Variants in CSMD2 observed in about 807,000 individuals in gnomAD.
The protein encoded by CSMD2 is CUB and sushi domain-containing protein 2.
A neutral mutation model predicts 398.5 loss-of-function variants in CSMD2; 130 were observed. The observed-to-expected ratio is 0.33, with a 90% confidence interval of 0.28 to 0.38. CSMD2 has a LOEUF of 0.38. Ranked by LOEUF, CSMD2 falls within the 10% of genes least tolerant of loss-of-function variation. The pLI, the probability that CSMD2 is intolerant of heterozygous loss-of-function variation, is 1.00. For synonymous variants in CSMD2, 1,828 were observed against 1,908.5 expected (o/e 0.96, Z 1.10); for missense variants, 3,829 against 4,764.9 (o/e 0.80, Z 5.78).
At chr1:33,781,116 C>A (rs1339541123) in intron 12 of CSMD2, among the ~76,000 whole-genome samples, 1 of 152,168 alleles carries the variant, frequency 6.6e-6, no homozygotes, top group Non-Finnish European at 1.5e-5. Context: ...TGTGGCACTG[C>A]CTGCAGAGAG....
intron 1 of CSMD2, among the ~76,000 whole-genome samples, chr1:34,147,164 AG>A (rs1378481453): frequency 6.6e-6 from 1 of 152,162 alleles, no homozygotes; most frequent in East Asian, 1.9e-4. Context: ...AGGCTGAGGC[AG>A]GAGAATGGCA....
At chr1:33,824,871 G>A (rs961046686) in intron 7 of CSMD2, among the ~76,000 whole-genome samples, 3 of 152,080 alleles carry the variant, frequency 2.0e-5, no homozygotes, top group African/African-American at 7.2e-5. Context: ...GTCATTTGGA[G>A]GACCAAGGAA....
chr1:33,647,817 C>T (rs1643535550), intron 28 of CSMD2, among the ~76,000 whole-genome samples: 1 of 152,180 alleles, frequency 6.6e-6, no homozygotes, highest in Non-Finnish European at 1.5e-5. Flanking sequence ...TAACTTGTTT[C>T]ACGAAGGGAG....
chr1:34,096,222 A>T (rs1558380175), intron 1 of CSMD2, among the ~76,000 whole-genome samples: 1 of 152,078 alleles, frequency 6.6e-6, no homozygotes, highest in Non-Finnish European at 1.5e-5. Context: ...CCTTCATGCT[A>T]AAAACTTTCA....
chr1:33,657,918 C>T (rs760875297), intron 27 of CSMD2, 28 bp downstream of exon 27: 1 of 1,590,388 alleles, frequency 6.3e-7, no homozygotes, highest in Admixed American at 1.7e-5. Flanking sequence ...GCCCCAAGAG[C>T]AGAGTGCACC....
chr1:33,727,211 G>A (rs1453279247), intron 15 of CSMD2, among the ~76,000 whole-genome samples: 4 of 152,246 alleles, frequency 2.6e-5, no homozygotes, highest in Non-Finnish European at 4.4e-5. Context: ...TTGGCACACA[G>A]TTGTTTCTCA....
chr1:33,808,442 AAGAG>A (rs1656479791), intron 10 of CSMD2, among the ~76,000 whole-genome samples: 2 of 152,256 alleles, frequency 1.3e-5, no homozygotes, highest in East Asian at 1.9e-4. Flanking sequence ...AACAGTAGGA[AAGAG>A]AGAGTTACAA....
At chr1:33,798,737 A>G (rs1283671518) in intron 10 of CSMD2, among the ~76,000 whole-genome samples, 1 of 152,086 alleles carries the variant, frequency 6.6e-6, no homozygotes, top group Non-Finnish European at 1.5e-5. Flanking sequence ...GCATGAGGAG[A>G]AATTAGGGGG....
intron 42 of CSMD2, 49 bp downstream of exon 42, chr1:33,605,233 C>A: frequency 6.4e-7 from 1 of 1,560,756 alleles, no homozygotes; most frequent in Non-Finnish European, 8.8e-7. Flanking sequence ...CTGGACCAGT[C>A]TCCACGAGTA....
chr1:33,589,350 C>A (rs1189621515), intron 44 of CSMD2, among the ~76,000 whole-genome samples: 1 of 152,196 alleles, frequency 6.6e-6, no homozygotes, highest in Admixed American at 6.5e-5. Flanking sequence ...CTGGGTCAGG[C>A]ACTGTGTCAG....
chr1:33,564,128 GCTT>G (rs1231010400), intron 53 of CSMD2, among the ~76,000 whole-genome samples: 1 of 151,442 alleles, frequency 6.6e-6, no homozygotes, highest in East Asian at 1.9e-4. Context: ...AGCAACTGCT[GCTT>G]AACATCTGGA....
intron 10 of CSMD2, among the ~76,000 whole-genome samples, chr1:33,798,173 A>G (rs542826202): frequency 1.9e-4 from 29 of 152,358 alleles, no homozygotes; most frequent in Non-Finnish European, 4.0e-4. Context: ...AGATCAATCA[A>G]GCTCACAAAG....
intron 1 of CSMD2, among the ~76,000 whole-genome samples, chr1:34,151,215 T>C (rs1385733747): frequency 6.6e-6 from 1 of 152,112 alleles, no homozygotes; most frequent in African/African-American, 2.4e-5. Context: ...TAACTGTCCC[T>C]GGGGGAAGGA....
intron 24 of CSMD2, among the ~76,000 whole-genome samples, chr1:33,693,619 T>C (rs1411778733): frequency 6.6e-6 from 1 of 152,194 alleles, no homozygotes; most frequent in Non-Finnish European, 1.5e-5. Context: ...GAAAACATGT[T>C]CACATAAAAA....
chr1:33,758,610 CAAATA>C (rs1177191992), intron 13 of CSMD2, among the ~76,000 whole-genome samples: 3 of 152,196 alleles, frequency 2.0e-5, no homozygotes, highest in African/African-American at 7.2e-5. Flanking sequence ...AGATAATCAA[CAAATA>C]AAATAAGCAT....
chr1:33,614,285 T>C (rs1258383967), intron 40 of CSMD2, among the ~76,000 whole-genome samples: 2 of 152,186 alleles, frequency 1.3e-5, no homozygotes, highest in Non-Finnish European at 2.9e-5. Flanking sequence ...ATAATAATAA[T>C]GGCAACCCCT....
At chr1:33,570,421 A>C (rs1403946782) in intron 51 of CSMD2, among the ~76,000 whole-genome samples, 1 of 148,512 alleles carries the variant, frequency 6.7e-6, no homozygotes. Context: ...TGATCCACCC[A>C]CTTCAGCCTC....
Position 33,605,213 on chromosome 1 carries a change from T to C in CSMD2, c.6532+69A>G. The C allele has an allele frequency of 5.6e-6, 8 of 1,419,740 alleles. No individual in the cohort carries two copies. In the Admixed American group the frequency reaches 7.7e-5, roughly 14 times the overall value. 87.9% of individuals were successfully genotyped at this position (1,419,740 alleles called of 1,614,324 possible). On this transcript the variant is annotated intron_variant, in intron 42 of 70. Coordinates refer to ENST00000373381, the MANE Select transcript of CSMD2 (RefSeq NM_001281956.2). Reference sequence around the variant, plus strand: ...TCCCACAGAGCAGGTAGGTGGAACATGGGATTGCTCTGGACCAGTCTCCAC... The same window carrying C: ...TCCCACAGAGCAGGTAGGTGGAACACGGGATTGCTCTGGACCAGTCTCCAC...
chr1:33,853,792 T>A (rs1311286512), intron 5 of CSMD2, among the ~76,000 whole-genome samples: 1 of 152,212 alleles, frequency 6.6e-6, no homozygotes, highest in East Asian at 1.9e-4. Flanking sequence ...AACACTTTTA[T>A]TGGACATGTT....
Sources: allele counts gnomAD v4.1 joint callset (sites outside exome capture counted in the v4.1 genomes callset), GRCh38; gene constraint gnomAD v4.1.1; transcripts MANE v1.5; gene names NCBI Gene and HGNC (gene_info 2026-07-23, HGNC 2026-07-21).